Variants in RELN observed in about 807,000 individuals in gnomAD.
RELN encodes the protein reelin.
In RELN, 108 loss-of-function variants were observed where a neutral mutation model predicts 427.6. The ratio of observed to expected loss-of-function variants is 0.25; its 90% CI spans 0.22 to 0.30. RELN has a LOEUF of 0.30. Among genes scored for constraint, RELN ranks in the 10% least tolerant of loss-of-function variants. The pLI, the probability that RELN is intolerant of heterozygous loss-of-function variation, is 1.00. For synonymous variants in RELN, 1,524 were observed against 1,513.4 expected (o/e 1.01, Z -0.16); for missense variants, 3,715 against 4,302.8 (o/e 0.86, Z 3.82).
chr7:103,729,813 C>T (rs1790307441), intron 6 of RELN, among the ~76,000 whole-genome samples: 1 of 152,026 alleles, frequency 6.6e-6, no homozygotes, highest in African/African-American at 2.4e-5. Context: ...TAGAATAGTG[C>T]CTGGCACATA....
chr7:103,516,075 G>C (rs1009702632), intron 49 of RELN, among the ~76,000 whole-genome samples: 2 of 152,130 alleles, frequency 1.3e-5, no homozygotes, highest in Non-Finnish European at 2.9e-5. Context: ...ATCTATCCCT[G>C]TCTCACTCAC....
At chr7:103,629,774 T>C (rs1455096840) in intron 20 of RELN, among the ~76,000 whole-genome samples, 166 bp downstream of exon 20, 1 of 152,224 alleles carries the variant, frequency 6.6e-6, no homozygotes, top group African/African-American at 2.4e-5. Flanking sequence ...AGTAGGGTTG[T>C]GTAGACATAC....
At chr7:103,632,767 A>G (rs1832498390) in intron 19 of RELN, among the ~76,000 whole-genome samples, 1 of 152,092 alleles carries the variant, frequency 6.6e-6, no homozygotes, top group African/African-American at 2.4e-5. Flanking sequence ...TGGGTGACAT[A>G]TAGAAACAAA....
chr7:103,552,028 T>G (rs983405221), intron 40 of RELN, among the ~76,000 whole-genome samples: 4 of 152,078 alleles, frequency 2.6e-5, no homozygotes, highest in Admixed American at 1.3e-4. Flanking sequence ...ATGGTCTTCA[T>G]GCTGTGCATT....
At chr7:103,491,233 T>G (rs1828639561) in intron 58 of RELN, among the ~76,000 whole-genome samples, 1 of 152,222 alleles carries the variant, frequency 6.6e-6, no homozygotes, top group Non-Finnish European at 1.5e-5. Context: ...TTTTATTCAA[T>G]ACTGTTAATA....
Position 103,531,182 on chromosome 7 carries a change from A to G in RELN, c.7349+4134T>C, listed in dbSNP as rs140549717. Among the ~76,000 whole-genome samples, 289 of 152,352 alleles carry G rather than the reference A, an allele frequency of 1.9e-3. 2 individuals carry two copies. Among genetic ancestry groups the G allele is most frequent in the African/African-American group, 6.6e-3 (275 of 41,584 alleles). On this transcript the variant is annotated intron_variant, in intron 46 of 64. Coordinates refer to ENST00000428762, the MANE Select transcript of RELN (RefSeq NM_005045.4). ...TTCCATGCACATTTATGAGATTTTC[A>G]TATGGTGAAAAGGATCTCCATTTTT... is the stretch of plus-strand genomic sequence containing the variant.
At chr7:103,927,469 C>T (rs1795770940) in intron 1 of RELN, among the ~76,000 whole-genome samples, 1 of 152,230 alleles carries the variant, frequency 6.6e-6, no homozygotes, top group South Asian at 2.1e-4. Context: ...TATGCTACAA[C>T]TGAATTCTAA....
chr7:103,845,598 C>T (rs1427507948), intron 2 of RELN, among the ~76,000 whole-genome samples: 1 of 152,126 alleles, frequency 6.6e-6, no homozygotes, highest in Non-Finnish European at 1.5e-5. Context: ...CAACATCATC[C>T]ATCTAAAAAG....
chr7:103,815,364 C>T (rs1298476624), intron 3 of RELN, among the ~76,000 whole-genome samples: 1 of 152,194 alleles, frequency 6.6e-6, no homozygotes, highest in Non-Finnish European at 1.5e-5. Context: ...GATGAGGCTT[C>T]TAAGACAAGT....
At chr7:103,513,430 T>C (rs1423124588) in intron 50 of RELN, 1 of 152,202 alleles carries the variant, frequency 6.6e-6, no homozygotes. Flanking sequence ...AATTATTCTC[T>C]GATTGTAAAC....
intron 11 of RELN, among the ~76,000 whole-genome samples, chr7:103,674,292 T>C (rs1833462057): frequency 6.6e-6 from 1 of 152,216 alleles, no homozygotes; most frequent in Admixed American, 6.6e-5. Flanking sequence ...TGTACGCCCT[T>C]ATCCTGTTGA....
intron 8 of RELN, among the ~76,000 whole-genome samples, chr7:103,715,840 A>G (rs1234612078): frequency 1.3e-5 from 2 of 152,212 alleles, no homozygotes; most frequent in African/African-American, 4.8e-5. Context: ...GCCATGTTGC[A>G]TGAAACACAA....
At chr7:103,571,437 T>C (rs1157170982) in intron 31 of RELN, among the ~76,000 whole-genome samples, 1 of 152,098 alleles carries the variant, frequency 6.6e-6, no homozygotes, top group Non-Finnish European at 1.5e-5. Flanking sequence ...ATGGTATGAG[T>C]GCCTAGGGAG....
chr7:103,736,794 CAAGG>C (rs1453537747), intron 6 of RELN, among the ~76,000 whole-genome samples: 15 of 152,086 alleles, frequency 9.9e-5, no homozygotes, highest in Admixed American at 7.2e-4. Flanking sequence ...AGAAATTAAA[CAAGG>C]AAGTAATAAA....
chr7:103,694,546 G>A (rs1833937528), intron 10 of RELN, among the ~76,000 whole-genome samples: 1 of 152,000 alleles, frequency 6.6e-6, no homozygotes, highest in South Asian at 2.1e-4. Flanking sequence ...GTCTGGAATG[G>A]TGAGTGCCTA....
chr7:103,869,988 ATTCT>A (rs886337511), intron 2 of RELN, among the ~76,000 whole-genome samples: 4 of 152,116 alleles, frequency 2.6e-5, no homozygotes, highest in Non-Finnish European at 5.9e-5. Context: ...AAGTACACTG[ATTCT>A]TTCTTCTGCC....
At chr7:103,509,045 G>A (rs1829309799) in intron 51 of RELN, among the ~76,000 whole-genome samples, 1 of 152,210 alleles carries the variant, frequency 6.6e-6, no homozygotes, top group African/African-American at 2.4e-5. Flanking sequence ...CCCATGGTTA[G>A]GAAGAACCAA....
intron 46 of RELN, among the ~76,000 whole-genome samples, chr7:103,528,225 A>G (rs1159355691): frequency 6.6e-6 from 1 of 152,262 alleles, no homozygotes; most frequent in Non-Finnish European, 1.5e-5. Flanking sequence ...GTAAGGCGGA[A>G]TGAGGAGCTG....
Position 103,551,291 on chromosome 7 carries a change from G to A in RELN, c.6078C>T (p.Asn2026=), listed in dbSNP as rs79610081. ...ATGAGCTATCAGTCGAACAGCCAAC[G>A]TTGATCTTGGGGATGAAGAAAAAAA... ...NENTIIQFEI[N]VGCSTDSSSA... The change falls in exon 41 of 65, where the codon AAC becomes AAT. Residue 2026 remains asparagine, a synonymous_variant. Coordinates refer to ENST00000428762, the MANE Select transcript of RELN (RefSeq NM_005045.4). 1.1e-3 allele frequency: 1,810 copies of A among 1,611,926 alleles called. 19 individuals are homozygous for A. In the African/African-American group the frequency reaches 0.021, roughly 18 times the overall value.
Sources: allele counts gnomAD v4.1 joint callset (sites outside exome capture counted in the v4.1 genomes callset), GRCh38; gene constraint gnomAD v4.1.1; transcripts MANE v1.5; gene names NCBI Gene and HGNC (gene_info 2026-07-23, HGNC 2026-07-21).